Variants in TRPC4 observed in about 807,000 individuals in gnomAD.
TRPC4 encodes transient receptor potential cation channel subfamily C member 4, also known as short transient receptor potential channel 4.
TRPC4 carries 49 observed loss-of-function variants against 99.4 expected under a neutral mutation model. The observed-to-expected ratio is 0.49, with a 90% CI of 0.39 to 0.63. The LOEUF is 0.63. TRPC4 is among the 20% of genes least tolerant of loss of function. The pLI is 0.00. For missense variants in TRPC4, 898 were observed against 1,152.9 expected, an observed-to-expected ratio of 0.78 and a Z score of 3.20; for synonymous variants, 454 against 425.9, an observed-to-expected ratio of 1.07 and a Z score of -0.81.
chr13:37,823,059 T>G (rs1423874066), intron 1 of TRPC4, among the ~76,000 whole-genome samples: 2 of 151,392 alleles, frequency 1.3e-5, no homozygotes, highest in Non-Finnish European at 2.9e-5. Flanking sequence ...TTTGGCTGCA[T>G]AAATGTCTTC....
intron 2 of TRPC4, among the ~76,000 whole-genome samples, chr13:37,763,846 T>A (rs1453226428): frequency 6.6e-6 from 1 of 151,426 alleles, no homozygotes; most frequent in Non-Finnish European, 1.5e-5. Context: ...AATTTTGACG[T>A]TGGAGGTAGA....
chr13:37,655,560 G>A lies in TRPC4; in HGVS notation c.1689-277C>T, dbSNP rs1415334167. On this transcript the variant is annotated intron_variant, in intron 6 of 10. Transcript: ENST00000379705. ...TTTCCTAGGGCAGAGAGAGGCAAAT[G>A]TGGCATGGGTACTGAGTTAAGAATG... 6.6e-5 allele frequency among the ~76,000 whole-genome samples: 10 copies of A among 151,952 alleles called. 1 individual carries two copies. Among genetic ancestry groups the A allele is most frequent in the Admixed American group, 6.6e-4 (10 of 15,244 alleles).
At chr13:37,827,572 G>T (rs1480928753) in intron 1 of TRPC4, among the ~76,000 whole-genome samples, 4 of 152,138 alleles carry the variant, frequency 2.6e-5, no homozygotes, top group South Asian at 2.1e-4. Flanking sequence ...GTGCCTCCCA[G>T]TTAGGCTGCT....
chr13:37,805,042 A>T (rs1362355862), intron 1 of TRPC4, among the ~76,000 whole-genome samples: 2 of 152,170 alleles, frequency 1.3e-5, no homozygotes, highest in African/African-American at 4.8e-5. Flanking sequence ...AATATGTCAT[A>T]AATCGGTGAT....
Position 37,752,075 on chromosome 13 carries a change from C to CTATATATATGTATATATATA in TRPC4, c.379-5621_379-5620insTATATATATACATATATATA, listed in dbSNP as rs1555266914. On this transcript the variant is annotated intron_variant, in intron 2 of 10. Transcript: ENST00000379705. ...TACCAAAACCTGATAAAGCAGAAAA[C>CTATATATATGTATATATATA]TATATATATATATATATATATGACT... 7.3e-4 allele frequency among the ~76,000 whole-genome samples: 54 copies of CTATATATATGTATATATATA among 73,948 alleles called. 9 individuals carry two copies. The South Asian group carries it at 8.4e-3, about 12-fold the overall frequency. The allele number at this position is 73,948 out of a possible 152,430, so 48.5% of individuals were successfully genotyped here.
At chr13:37,714,178 G>A (rs1403717867) in intron 3 of TRPC4, among the ~76,000 whole-genome samples, 1 of 151,264 alleles carries the variant, frequency 6.6e-6, no homozygotes, top group Non-Finnish European at 1.5e-5. Flanking sequence ...CCAGGCTGGA[G>A]TGCAGTGGTG....
intron 2 of TRPC4, among the ~76,000 whole-genome samples, chr13:37,775,463 A>G (rs996906986): frequency 8.6e-5 from 13 of 151,054 alleles, no homozygotes; most frequent in Admixed American, 6.0e-4. Flanking sequence ...TTTGTTACAC[A>G]GGTAAACGTG....
chr13:37,841,607 G>A (rs1418702273), intron 1 of TRPC4, among the ~76,000 whole-genome samples: 1 of 151,568 alleles, frequency 6.6e-6, no homozygotes, highest in Admixed American at 6.6e-5. Flanking sequence ...TTTACTGAAA[G>A]GTGATCTATA....
Position 37,789,842 on chromosome 13 carries a change from T to C in TRPC4, c.-27-6482A>G, listed in dbSNP as rs148133654. Among the ~76,000 whole-genome samples, 974 of 152,248 alleles carry C rather than the reference T, an allele frequency of 6.4e-3. 10 individuals are homozygous for C. Among genetic ancestry groups the C allele is most frequent in the African/African-American group, 0.022 (935 of 41,560 alleles). ...TCTTTACTTCCTAAAATCTTCAGAATGGCACAAGACTTTAGTAATTTGCTG... is the reference window on the plus strand; with the variant it reads ...TCTTTACTTCCTAAAATCTTCAGAACGGCACAAGACTTTAGTAATTTGCTG... On this transcript the variant is annotated intron_variant, in intron 1 of 10. Transcript: ENST00000379705.
chr13:37,715,254 C>T (rs572702393), intron 3 of TRPC4, among the ~76,000 whole-genome samples: 138 of 152,172 alleles, frequency 9.1e-4, no homozygotes, highest in African/African-American at 2.6e-3. Flanking sequence ...GAGCACAATG[C>T]CATTTGCAGG....
intron 1 of TRPC4, among the ~76,000 whole-genome samples, chr13:37,786,697 T>G (rs1593740946): frequency 6.6e-6 from 1 of 152,126 alleles, no homozygotes; most frequent in Non-Finnish European, 1.5e-5. Context: ...TAGAATAAAC[T>G]TTGGAGGGGA....
At chr13:37,691,039 A>C (rs1033470649) in intron 4 of TRPC4, among the ~76,000 whole-genome samples, 6 of 152,198 alleles carry the variant, frequency 3.9e-5, no homozygotes, top group Admixed American at 3.9e-4. Context: ...TTAAAATGCA[A>C]ATTTTAACCA....
chr13:37,856,762 C>G (rs1279100728), intron 1 of TRPC4, among the ~76,000 whole-genome samples: 3 of 151,478 alleles, frequency 2.0e-5, no homozygotes, highest in African/African-American at 7.3e-5. Context: ...ATCATATAAA[C>G]TAAAGGGTTA....
intron 6 of TRPC4, among the ~76,000 whole-genome samples, chr13:37,662,307 C>T (rs930672891): frequency 3.1e-5 from 4 of 127,526 alleles, no homozygotes; most frequent in African/African-American, 1.2e-4. Flanking sequence ...AAAACTCTGC[C>T]TTAAAAAAAA....
chr13:37,829,220 G>A (rs1958337744), intron 1 of TRPC4, among the ~76,000 whole-genome samples: 1 of 152,080 alleles, frequency 6.6e-6, no homozygotes, highest in African/African-American at 2.4e-5. Context: ...TCTACCAAAG[G>A]TCTTGTGTCC....
At chr13:37,827,879 T>A (rs1329512620) in intron 1 of TRPC4, among the ~76,000 whole-genome samples, 1 of 152,154 alleles carries the variant, frequency 6.6e-6, no homozygotes. Flanking sequence ...GCCTCGCTGC[T>A]GCCTTGCAGT....
chr13:37,683,130 T>C (rs1801451667), intron 4 of TRPC4, among the ~76,000 whole-genome samples: 1 of 151,894 alleles, frequency 6.6e-6, no homozygotes, highest in African/African-American at 2.4e-5. Context: ...TCCTCACCAA[T>C]ACTACTGCCT....
At chr13:37,663,000 A>C (rs1319568803) in intron 6 of TRPC4, among the ~76,000 whole-genome samples, 1 of 152,146 alleles carries the variant, frequency 6.6e-6, no homozygotes, top group African/African-American at 2.4e-5. Context: ...AGATACATAA[A>C]CGGACTTTAG....
At position 37,826,919 on chromosome 13, in the gene TRPC4, G is replaced by A. The variant is rs1467039780; in HGVS notation, c.-28+42676C>T. On this transcript the variant is annotated intron_variant, in intron 1 of 10. Coordinates refer to ENST00000379705, the MANE Select transcript of TRPC4 (RefSeq NM_016179.4). ...CCACTTTCAGGTACACCAATCAGAC[G>A]TAGATTTGGTCTTTTCACATAGTCC... Among the ~76,000 whole-genome samples the A allele has an allele frequency of 3.9e-5, 6 of 152,112 alleles. 1 individual carries two copies. Among genetic ancestry groups the A allele is most frequent in the South Asian group, 2.1e-4 (1 of 4,830 alleles).
Sources: allele counts gnomAD v4.1 joint callset (sites outside exome capture counted in the v4.1 genomes callset), GRCh38; gene constraint gnomAD v4.1.1; transcripts MANE v1.5; gene names NCBI Gene and HGNC (gene_info 2026-07-23, HGNC 2026-07-21).